The following ADGRV1 variants were observed in gnomAD, a reference collection of about 807,000 sequenced individuals.
ADGRV1 encodes adhesion G protein-coupled receptor V1.
Under a neutral mutation model 596.2 loss-of-function variants are expected in ADGRV1, and 359 were observed. The ratio of observed to expected loss-of-function variants is 0.60; its 90% CI spans 0.55 to 0.66. The LOEUF is 0.66. Ranked by LOEUF, ADGRV1 falls within the 30% of genes least tolerant of loss-of-function variation. ADGRV1 has a pLI of 0.00. For missense variants in ADGRV1, 7,274 were observed against 7,575.6 expected (o/e 0.96, Z 1.48); for synonymous variants, 2,681 against 2,679.2 (o/e 1.00, Z -0.02).
At chr5:91,153,765 T>A (rs1796246134) in intron 89 of ADGRV1, among the ~76,000 whole-genome samples, 1 of 152,236 alleles carries the variant, frequency 6.6e-6, no homozygotes, top group East Asian at 1.9e-4. Context: ...GCAGTGCCTT[T>A]GAAGCAGAAA....
chr5:90,694,574 G>T lies in ADGRV1; in HGVS notation c.7818G>T (p.Val2606=). The T allele has an allele frequency of 1.2e-6, 2 of 1,613,898 alleles. No individual in the cohort carries two copies. Among genetic ancestry groups the T allele is most frequent in the Non-Finnish European group, 1.7e-6 (2 of 1,179,818 alleles). Reference sequence around the variant, plus strand: ...TTCAGGAGCAGCCCCAAACCTTGGTGGAGCTGATGATACACAGGACAGGGG... The same window carrying T: ...TTCAGGAGCAGCCCCAAACCTTGGTTGAGCTGATGATACACAGGACAGGGG... The part of the protein sequence containing the change: ...VEVQEQPQTL[V]ELMIHRTGGS... The change falls in exon 33 of 90, where the codon GTG becomes GTT. Residue 2606 remains valine, a synonymous_variant. Coordinates refer to ENST00000405460, the MANE Select transcript of ADGRV1 (RefSeq NM_032119.4).
chr5:91,029,060 G>A (rs1160839300), intron 85 of ADGRV1, among the ~76,000 whole-genome samples: 4 of 151,906 alleles, frequency 2.6e-5, no homozygotes. Flanking sequence ...TTTTTCTTTA[G>A]GGTTTTTAAA....
At chr5:91,154,395 A>C (rs892643999) in intron 89 of ADGRV1, among the ~76,000 whole-genome samples, 1 of 152,234 alleles carries the variant, frequency 6.6e-6, no homozygotes, top group Non-Finnish European at 1.5e-5. Context: ...TGAAGTTAAA[A>C]TTTTATTATA....
chr5:91,021,043 G>T (rs1199474145), intron 85 of ADGRV1, among the ~76,000 whole-genome samples: 5 of 151,896 alleles, frequency 3.3e-5, no homozygotes, highest in African/African-American at 1.2e-4. Flanking sequence ...CTTTTTATAT[G>T]TTTTCAAATT....
intron 34 of ADGRV1, among the ~76,000 whole-genome samples, chr5:90,702,052 G>T (rs1747977549): frequency 7.6e-6 from 1 of 131,378 alleles, no homozygotes; most frequent in South Asian, 2.5e-4. Context: ...AACACTGTAG[G>T]TGAAATAGCT....
At chr5:90,994,182 C>T (rs1231934034) in intron 85 of ADGRV1, among the ~76,000 whole-genome samples, 1 of 151,998 alleles carries the variant, frequency 6.6e-6, no homozygotes, top group Non-Finnish European at 1.5e-5. Flanking sequence ...CCTGCCTCCG[C>T]CTCCCAAGTA....
At chr5:90,570,196 AT>A in intron 1 of ADGRV1, among the ~76,000 whole-genome samples, 1 of 152,290 alleles carries the variant, frequency 6.6e-6, no homozygotes, top group Middle Eastern at 3.4e-3. Context: ...TAATTTTGGA[AT>A]GACAATTTTG....
chr5:91,122,968 G>A (rs1430501368), intron 87 of ADGRV1, among the ~76,000 whole-genome samples: 3 of 152,160 alleles, frequency 2.0e-5, no homozygotes, highest in Non-Finnish European at 2.9e-5. Flanking sequence ...CTCCTGGAGC[G>A]AAAGTGAACA....
chr5:90,647,491 A>T lies in ADGRV1; in HGVS notation c.3023-7A>T. The T allele has an allele frequency of 6.3e-7, 1 of 1,596,502 alleles. No homozygotes were observed. Among genetic ancestry groups the T allele is most frequent in the Non-Finnish European group, 8.5e-7 (1 of 1,171,794 alleles). ...GCTCATGTGTTCTTTCTTTGTGGAT[A>T]TTTCAGAACCTCGTGTAGTGAGGGT... On this transcript the variant is annotated splice_region_variant and splice_polypyrimidine_tract_variant and intron_variant, in intron 16 of 89. Coordinates refer to ENST00000405460, the MANE Select transcript of ADGRV1 (RefSeq NM_032119.4).
intron 75 of ADGRV1, among the ~76,000 whole-genome samples, chr5:90,817,868 T>G (rs534471560): frequency 6.6e-6 from 1 of 152,180 alleles, no homozygotes; most frequent in East Asian, 1.9e-4. Flanking sequence ...GCTTTGTTCT[T>G]TTGGCTTAGG....
intron 28 of ADGRV1, among the ~76,000 whole-genome samples, chr5:90,685,162 T>G (rs1040108282): frequency 1.3e-5 from 2 of 152,092 alleles, no homozygotes; most frequent in Non-Finnish European, 2.9e-5. Flanking sequence ...AATTCTATAA[T>G]AAAAATTTCT....
intron 83 of ADGRV1, among the ~76,000 whole-genome samples, chr5:90,904,868 G>C (rs998195542): frequency 6.6e-6 from 1 of 151,440 alleles, no homozygotes; most frequent in Admixed American, 6.6e-5. Flanking sequence ...CATAGTTTGA[G>C]GTCTTAGGTT....
intron 82 of ADGRV1, among the ~76,000 whole-genome samples, chr5:90,862,107 A>G (rs965644107): frequency 1.2e-4 from 19 of 152,352 alleles, no homozygotes; most frequent in African/African-American, 4.6e-4. Flanking sequence ...CAAATTTAGT[A>G]TACTAAATGT....
chr5:90,629,660 C>T, intron 9 of ADGRV1, 121 bp downstream of exon 9: 1 of 736,080 alleles, frequency 1.4e-6, no homozygotes. Context: ...TATGTTGTTA[C>T]TAAAAGTTGT....
At chr5:90,776,109 T>C (rs1758199915) in intron 60 of ADGRV1, among the ~76,000 whole-genome samples, 1 of 152,158 alleles carries the variant, frequency 6.6e-6, no homozygotes, top group South Asian at 2.1e-4. Context: ...CATAGCTATG[T>C]AGTCAATTGC....
chr5:90,995,863 C>T (rs780098735), intron 85 of ADGRV1, among the ~76,000 whole-genome samples: 1 of 152,066 alleles, frequency 6.6e-6, no homozygotes, highest in Non-Finnish European at 1.5e-5. Context: ...GCATTGTGCC[C>T]CCGCTCTAGG....
At chr5:90,563,768 A>G (rs1755175120) in intron 1 of ADGRV1, among the ~76,000 whole-genome samples, 1 of 152,244 alleles carries the variant, frequency 6.6e-6, no homozygotes, top group South Asian at 2.1e-4. Context: ...TCTGAGGCAT[A>G]TTGTGGAAAT....
chr5:91,031,189 A>T, intron 85 of ADGRV1: 1 of 1,492,532 alleles, frequency 6.7e-7, no homozygotes, highest in Non-Finnish European at 9.3e-7. Flanking sequence ...AGGCAAGAAG[A>T]GTAATCGAGA....
rs181712943 is a variant in ADGRV1, at chr5:90,763,379, A to G, written c.12195A>G (p.Gly4065=). ...YVTLTVVRSP[G]GKGTVRLEWT... The stretch of plus-strand genomic sequence containing the variant: ...CATTGACGGTTGTCCGGTCCCCAGG[A>G]GGAAAAGGAACCGTCCGACTTGAGT... The change falls in exon 59 of 90, where the codon GGA becomes GGG. Residue 4065 remains glycine (G), a synonymous_variant. Coordinates refer to ENST00000405460, the MANE Select transcript of ADGRV1 (RefSeq NM_032119.4). 71 of 1,613,028 alleles carry G rather than the reference A, an allele frequency of 4.4e-5. 1 individual carries two copies. In the East Asian group the frequency reaches 1.5e-3, roughly 33 times the overall value.
Sources: gnomAD v4.1 joint callset for allele counts (sites outside exome capture counted in the v4.1 genomes callset) on GRCh38, gnomAD v4.1.1 for gene constraint, MANE v1.5 for transcripts, NCBI Gene and HGNC (gene_info 2026-07-23, HGNC 2026-07-21) for gene names.